The following MAP3K5 variants were observed in gnomAD, a reference collection of about 807,000 sequenced individuals.
MAP3K5 encodes the protein mitogen-activated protein kinase kinase kinase 5, also known as ASK-1.
Under a neutral mutation model 158.7 loss-of-function variants are expected in MAP3K5, and 56 were observed. The observed-to-expected ratio is 0.35, with a 90% CI of 0.28 to 0.44. The LOEUF (loss-of-function observed/expected upper bound fraction) is 0.44. Among genes scored for constraint, MAP3K5 ranks in the 20% least tolerant of loss-of-function variants. MAP3K5 has a pLI of 1.00. For missense variants in MAP3K5, 1,294 were observed against 1,674.8 expected (o/e 0.77, Z 3.97); for synonymous variants, 579 against 601.7 (o/e 0.96, Z 0.55).
chr6:136,768,656 G>T (rs1005634525), intron 1 of MAP3K5, among the ~76,000 whole-genome samples: 3 of 152,146 alleles, frequency 2.0e-5, no homozygotes, highest in African/African-American at 7.2e-5. Flanking sequence ...GCTCACGCCT[G>T]TAATCCCAGC....
chr6:136,746,804 G>A (rs544562306), intron 1 of MAP3K5, among the ~76,000 whole-genome samples: 2 of 152,296 alleles, frequency 1.3e-5, no homozygotes, highest in East Asian at 1.9e-4. Flanking sequence ...TTTGAACACC[G>A]TCTGTGCTCT....
intron 15 of MAP3K5, among the ~76,000 whole-genome samples, chr6:136,614,551 G>C (rs1375502542): frequency 6.6e-6 from 1 of 152,146 alleles, no homozygotes; most frequent in Non-Finnish European, 1.5e-5. Flanking sequence ...CCATTTTACA[G>C]ATGAGGAAAC....
At chr6:136,688,103 G>T (rs1341096105) in intron 7 of MAP3K5, among the ~76,000 whole-genome samples, 1 of 152,152 alleles carries the variant, frequency 6.6e-6, no homozygotes, top group African/African-American at 2.4e-5. Flanking sequence ...AAAAGGGTGA[G>T]TTCATGTCCT....
chr6:136,747,441 GA>G (rs1364418701), intron 1 of MAP3K5, among the ~76,000 whole-genome samples: 1 of 152,170 alleles, frequency 6.6e-6, no homozygotes, highest in Non-Finnish European at 1.5e-5. Context: ...CCCATTAAAA[GA>G]ATTTTCTGGG....
chr6:136,696,158 A>T, intron 5 of MAP3K5, 101 bp from the exon 6 acceptor site: 2 of 645,044 alleles, frequency 3.1e-6, no homozygotes, highest in Non-Finnish European at 5.4e-6. Context: ...CAAGAAACAC[A>T]TTAAAAAGAC....
At chr6:136,730,790 T>C (rs6941553) in intron 1 of MAP3K5, among the ~76,000 whole-genome samples, 55,306 of 149,578 alleles carry the variant, frequency 0.37, 12,040 homozygotes, top group Middle Eastern at 0.5. Context: ...GTAGATGAGG[T>C]TGTCAACTTA....
At chr6:136,665,563 C>A (rs1779192150) in intron 8 of MAP3K5, among the ~76,000 whole-genome samples, 1 of 152,112 alleles carries the variant, frequency 6.6e-6, no homozygotes, top group Non-Finnish European at 1.5e-5. Context: ...TCAGGCTGGT[C>A]TTGAACTCCT....
At chr6:136,580,509 TTTC>T in intron 24 of MAP3K5, 103 bp from the exon 25 acceptor site, 4 of 621,170 alleles carry the variant, frequency 6.4e-6, no homozygotes, top group Non-Finnish European at 5.8e-6. Context: ...AACTAAAAAG[TTTC>T]TTCAACTTGA....
At chr6:136,662,482 T>C (rs1779046220) in intron 8 of MAP3K5, among the ~76,000 whole-genome samples, 1 of 152,158 alleles carries the variant, frequency 6.6e-6, no homozygotes, top group Admixed American at 6.5e-5. Flanking sequence ...TTTTTTATAT[T>C]TAGAAGTCCG....
In MAP3K5 at chr6:136,697,341, T is replaced by G; in HGVS notation, c.853A>C (p.Asn285His). The G allele has an allele frequency of 2.5e-6, 4 of 1,613,544 alleles. No individual in the cohort carries two copies. Among genetic ancestry groups the G allele is most frequent in the Non-Finnish European group, 3.4e-6 (4 of 1,179,680 alleles). ...GCCAATTCTTTACCAGTGTATAAAT[T>G]ACGAGCTTTCCTGATGTCATTGAGT... is the stretch of plus-strand genomic sequence containing the variant. ...SILNDIRKAR[N>H]LYTGKELAAE... Residue 285 changes from asparagine to histidine, a missense_variant, in exon 5 of 30, where the codon AAT becomes CAT. This residue lies in a region of MAP3K5 where 690 missense variants were observed against 870.5 expected (regional missense o/e 0.79). Coordinates refer to ENST00000359015, the MANE Select transcript of MAP3K5 (RefSeq NM_005923.4).
intron 3 of MAP3K5, among the ~76,000 whole-genome samples, chr6:136,701,989 G>T (rs1420657092): frequency 6.6e-6 from 1 of 152,202 alleles, no homozygotes; most frequent in Admixed American, 6.5e-5. Context: ...CTGGGTGTGT[G>T]TTAGGCAGAG....
At chr6:136,583,496 T>C in intron 24 of MAP3K5, 59 bp downstream of exon 24, 1 of 1,424,738 alleles carries the variant, frequency 7.0e-7, no homozygotes, top group Admixed American at 2.3e-5. Flanking sequence ...TTATGTTTTA[T>C]CTTATTTTTC....
chr6:136,707,979 G>A (rs528680870), intron 2 of MAP3K5, among the ~76,000 whole-genome samples: 1 of 152,304 alleles, frequency 6.6e-6, no homozygotes, highest in East Asian at 1.9e-4. Flanking sequence ...ATCCTATGCT[G>A]CTATTTATGT....
At position 136,583,740 on chromosome 6, in the gene MAP3K5, CCT is replaced by C; in HGVS notation, c.3226-2_3226-1del. 1 of 1,613,314 alleles carries C rather than the reference CCT, an allele frequency of 6.2e-7. No homozygotes were observed. The highest frequency in any genetic ancestry group is 2.2e-5 in the East Asian group (1 of 44,828). Reference sequence around the variant, plus strand: ...CATTTTAGTTTCGGTTCTTCAGCCCCCTGTGAATAAAAATCAACAATCCTTAC... The same window carrying C: ...CATTTTAGTTTCGGTTCTTCAGCCCCGTGAATAAAAATCAACAATCCTTAC... On this transcript the variant is annotated splice_acceptor_variant, in intron 23 of 29. Transcript: ENST00000359015. LOFTEE classifies it high-confidence loss of function.
chr6:136,711,268 AC>A (rs963025102), intron 2 of MAP3K5, among the ~76,000 whole-genome samples: 30 of 152,292 alleles, frequency 2.0e-4, no homozygotes, highest in African/African-American at 7.0e-4. Flanking sequence ...AGAGGAAAGT[AC>A]CAGATGACAA....
At chr6:136,601,107 T>A in intron 20 of MAP3K5, 65 bp from the exon 21 acceptor site, 1 of 1,534,588 alleles carries the variant, frequency 6.5e-7, no homozygotes, top group Non-Finnish European at 9.0e-7. Context: ...AACTGAGAAA[T>A]CAACAAAAAA....
chr6:136,607,645 T>C (rs1235647561), intron 18 of MAP3K5, among the ~76,000 whole-genome samples: 1 of 152,220 alleles, frequency 6.6e-6, no homozygotes, highest in Non-Finnish European at 1.5e-5. Context: ...ATATCTATTG[T>C]AGAATTTCTT....
At chr6:136,711,377 T>C (rs1182205274) in intron 2 of MAP3K5, among the ~76,000 whole-genome samples, 2 of 152,010 alleles carry the variant, frequency 1.3e-5, no homozygotes, top group African/African-American at 4.8e-5. Context: ...AAAGAAAATA[T>C]CTTCTGGCCA....
intron 21 of MAP3K5, among the ~76,000 whole-genome samples, chr6:136,594,829 G>A (rs1368219586): frequency 1.3e-5 from 2 of 151,982 alleles, no homozygotes; most frequent in Non-Finnish European, 2.9e-5. Flanking sequence ...TGTGGTAAAT[G>A]TATGTGTATC....
Sources: gnomAD v4.1 joint callset for allele counts (sites outside exome capture counted in the v4.1 genomes callset) on GRCh38, gnomAD v4.1.1 for gene constraint, gnomAD v4.1.1 regional missense constraint, MANE v1.5 for transcripts, NCBI Gene and HGNC (gene_info 2026-07-23, HGNC 2026-07-21) for gene names.